Variants in GPHN observed in about 807,000 individuals in gnomAD.
GPHN encodes gephyrin.
Under a neutral mutation model 95.5 loss-of-function variants are expected in GPHN, and 17 were observed. The observed-to-expected ratio is 0.18, with a 90% CI of 0.12 to 0.27. The LOEUF (loss-of-function observed/expected upper bound fraction) is 0.27, where lower values mean the gene tolerates loss of function less well. Among genes scored for constraint, GPHN ranks in the 10% least tolerant of loss-of-function variants. GPHN has a pLI of 1.00. For missense variants in GPHN, 660 were observed against 978.1 expected (o/e 0.67, Z 4.34); for synonymous variants, 320 against 322.5 (o/e 0.99, Z 0.08).
At chr14:67,100,024 C>G (rs2077608635) in intron 12 of GPHN, among the ~76,000 whole-genome samples, 1 of 151,942 alleles carries the variant, frequency 6.6e-6, no homozygotes, top group African/African-American at 2.4e-5. Context: ...GTTTCTTCAT[C>G]TAGCCATTGT....
chr14:66,595,764 C>T (rs537745843), intron 1 of GPHN, among the ~76,000 whole-genome samples: 1 of 147,422 alleles, frequency 6.8e-6, no homozygotes, highest in African/African-American at 2.6e-5. Context: ...TAAGTCTGGG[C>T]TCCCTGAAGT....
At chr14:67,290,122 C>CTAG in the GPHN span, among the ~76,000 whole-genome samples, 1 of 151,914 alleles carries the variant, frequency 6.6e-6, no homozygotes, top group Non-Finnish European at 1.5e-5. Context: ...TGTATGTGCT[C>CTAG]TAAGTTTTTC....
chr14:67,619,513 C>A, the GPHN span, among the ~76,000 whole-genome samples: 2 of 152,234 alleles, frequency 1.3e-5, no homozygotes, highest in African/African-American at 4.8e-5. Context: ...CTAGGCAGGG[C>A]CAGACCAGGC....
rs996969276 is a variant in GPHN, at chr14:66,678,885, T to C, written c.65-2222T>C. On this transcript the variant is annotated intron_variant, in intron 1 of 22. Transcript: ENST00000478722. ...TTTCCCTAGGGCGTTCAGGTGAGGT[T>C]GTTCATGGAGTCAGCGACAAGACTT... 6.6e-5 allele frequency among the ~76,000 whole-genome samples: 10 copies of C among 152,314 alleles called. No homozygotes were observed. The East Asian group carries it at 1.9e-3, about 29-fold the overall frequency.
the GPHN span, among the ~76,000 whole-genome samples, chr14:67,492,984 C>G: frequency 1.3e-5 from 2 of 152,022 alleles, no homozygotes; most frequent in African/African-American, 4.8e-5. Flanking sequence ...AATAAAGAAA[C>G]CCGATGCTGG....
the GPHN span, among the ~76,000 whole-genome samples, chr14:67,464,036 A>G: frequency 2.0e-5 from 3 of 152,012 alleles, no homozygotes; most frequent in Non-Finnish European, 4.4e-5. Flanking sequence ...CACAGAGGTT[A>G]GTGTGCATGA....
intron 1 of GPHN, among the ~76,000 whole-genome samples, chr14:66,657,581 G>T (rs561686683): frequency 1.3e-5 from 2 of 152,280 alleles, no homozygotes; most frequent in Admixed American, 1.3e-4. Context: ...ACTTTAAATT[G>T]AAGCCATTGC....
At chr14:67,061,407 C>G (rs2153651119) in intron 11 of GPHN, among the ~76,000 whole-genome samples, 1 of 152,194 alleles carries the variant, frequency 6.6e-6, no homozygotes, top group South Asian at 2.1e-4. Context: ...AACATCTTCC[C>G]AATCCGTTCT....
At chr14:66,721,716 C>T (rs1051838086) in intron 2 of GPHN, among the ~76,000 whole-genome samples, 3 of 151,792 alleles carry the variant, frequency 2.0e-5, no homozygotes, top group Admixed American at 6.6e-5. Flanking sequence ...TTTGGAAGGC[C>T]GAGGCAGGCG....
the GPHN span, chr14:67,569,992 G>A: frequency 4.4e-6 from 7 of 1,603,392 alleles, no homozygotes; most frequent in Admixed American, 1.7e-5. Context: ...CACTGTGCCT[G>A]TCTACACAGC....
intron 8 of GPHN, among the ~76,000 whole-genome samples, chr14:66,938,295 G>A (rs1166393691): frequency 6.6e-6 from 1 of 152,118 alleles, no homozygotes; most frequent in Non-Finnish European, 1.5e-5. Flanking sequence ...TTTCATATTA[G>A]TTTAAGAAAT....
intron 19 of GPHN, among the ~76,000 whole-genome samples, chr14:67,164,617 G>T (rs976371654): frequency 7.2e-5 from 11 of 151,742 alleles, no homozygotes; most frequent in Non-Finnish European, 1.6e-4. Flanking sequence ...TCAGCCTCCC[G>T]AGTAGCTGGG....
chr14:67,390,553 C>A, the GPHN span: 22 of 764,874 alleles, frequency 2.9e-5, 1 homozygote, highest in South Asian at 2.4e-4. Flanking sequence ...GACTTTACGG[C>A]GGGTGCCAGG....
At chr14:67,415,584 C>T in the GPHN span, among the ~76,000 whole-genome samples, 2 of 152,178 alleles carry the variant, frequency 1.3e-5, no homozygotes, top group Non-Finnish European at 1.5e-5. Context: ...TCACCAGCAG[C>T]GTATGACAAT....
chr14:67,043,755 G>A (rs548164255), intron 10 of GPHN, among the ~76,000 whole-genome samples: 69 of 152,234 alleles, frequency 4.5e-4, no homozygotes, highest in Middle Eastern at 3.4e-3. Flanking sequence ...GAGTTGGGGG[G>A]ATTCCCTCTT....
At chr14:66,658,827 GGT>G (rs2065460721) in intron 1 of GPHN, among the ~76,000 whole-genome samples, 1 of 151,550 alleles carries the variant, frequency 6.6e-6, no homozygotes, top group Non-Finnish European at 1.5e-5. Flanking sequence ...GTACCTCCAA[GGT>G]GTGCTTGTAA....
rs560440740 is a variant in GPHN at position 67,035,167 on chromosome 14, G to GA, written c.1006+11501dup. Among the ~76,000 whole-genome samples, 429 of 148,252 alleles carry GA rather than the reference G, an allele frequency of 2.9e-3. 1 individual carries two copies. Among genetic ancestry groups the GA allele is most frequent in the Non-Finnish European group, 4.8e-3 (317 of 66,710 alleles). On this transcript the variant is annotated intron_variant, in intron 10 of 22. Coordinates refer to ENST00000478722, the MANE Select transcript of GPHN (RefSeq NM_020806.5). ...CTCTTGAACAACCAGTAGGTCAAAG[G>GA]AAAAAAAAATGAGAGAAATTAGAAA... is the stretch of plus-strand genomic sequence containing the variant.
chr14:66,668,914 A>G (rs2066134806), intron 1 of GPHN, among the ~76,000 whole-genome samples: 1 of 143,714 alleles, frequency 7.0e-6, no homozygotes, highest in Non-Finnish European at 1.5e-5. Context: ...AGAGTGTCGC[A>G]CTGTCGCCCA....
chr14:66,957,291 G>A (rs2068588806), intron 8 of GPHN, among the ~76,000 whole-genome samples: 1 of 140,498 alleles, frequency 7.1e-6, no homozygotes, highest in Admixed American at 7.6e-5. Context: ...CACCTCCTGA[G>A]TTCAAGCAAT....
Sources: allele counts gnomAD v4.1 joint callset (sites outside exome capture counted in the v4.1 genomes callset), GRCh38; gene constraint gnomAD v4.1.1; transcripts MANE v1.5; gene names NCBI Gene and HGNC (gene_info 2026-07-23, HGNC 2026-07-21).